Variants in TAPT1 observed in about 807,000 individuals in gnomAD.
TAPT1 encodes transmembrane anterior posterior transformation 1, also known as transmembrane anterior posterior transformation protein 1 homolog.
A neutral mutation model predicts 65.6 loss-of-function variants in TAPT1; 28 were observed. That is an observed-to-expected ratio of 0.43 (90% CI 0.32 to 0.59). The LOEUF (loss-of-function observed/expected upper bound fraction) is 0.59. Ranked by LOEUF, TAPT1 falls within the 20% of genes least tolerant of loss-of-function variation. The probability of loss-of-function intolerance (pLI) is 0.09; values close to 1 mark genes in which losing one functional copy is unlikely to be tolerated. For missense variants in TAPT1, 563 were observed against 679.9 expected (o/e 0.83, Z 1.91); for synonymous variants, 278 against 245.2 (o/e 1.13, Z -1.25).
intron 7 of TAPT1, chr4:16,182,804 A>G (rs1206695656): frequency 6.6e-6 from 1 of 152,218 alleles, no homozygotes; most frequent in Non-Finnish European, 1.5e-5. Context: ...TAATTTGTTA[A>G]AAATCTGGTT....
Position 16,163,271 on chromosome 4 carries a change from C to A in TAPT1, c.*37G>T. 1 of 1,519,150 alleles carries A rather than the reference C, an allele frequency of 6.6e-7. No individual in the cohort carries two copies. The highest frequency in any genetic ancestry group is 1.1e-5 in the South Asian group (1 of 88,960). The allele number at this position is 1,519,150 out of a possible 1,614,324, so 94.1% of individuals were successfully genotyped here. A position where few individuals can be genotyped will look rare whatever the true frequency, so the allele number is the denominator to read the frequency against. On this transcript the variant is annotated 3_prime_UTR_variant, in exon 14 of 14. Transcript: ENST00000405303. ...TCCTGGCAACACAGCACTTGTTGCC[C>A]CAGGACCCAGCTTCTTCAGCGCATG...
At chr4:16,174,165 C>T (rs1748178661) in intron 11 of TAPT1, 39 bp downstream of exon 11, 1 of 1,399,940 alleles carries the variant, frequency 7.1e-7, no homozygotes, top group Non-Finnish European at 9.9e-7. Context: ...ATAATGATGG[C>T]TACTTTGTTA....
chr4:16,219,678 A>G (rs35806798), intron 1 of TAPT1, among the ~76,000 whole-genome samples: 46,388 of 152,120 alleles, frequency 0.3, 8,077 homozygotes, highest in Middle Eastern at 0.43. Context: ...TTTATAGTAT[A>G]AGGCAGTTTA....
At chr4:16,190,929 C>T (rs1749337942) in intron 4 of TAPT1, 1 of 157,516 alleles carries the variant, frequency 6.3e-6, no homozygotes, top group African/African-American at 2.4e-5. Context: ...CAAACATATA[C>T]ATAATCATAA....
At chr4:16,202,779 A>G (rs1750116470) in intron 2 of TAPT1, among the ~76,000 whole-genome samples, 199 bp from the exon 3 acceptor site, 1 of 152,190 alleles carries the variant, frequency 6.6e-6, no homozygotes, top group South Asian at 2.1e-4. Flanking sequence ...ACGACTCACA[A>G]AAGAAATTAC....
In TAPT1 at chr4:16,169,572, T is replaced by C. The variant is rs565813481; in HGVS notation, c.1313+1081A>G. 3.5e-4 allele frequency among the ~76,000 whole-genome samples: 54 copies of C among 152,350 alleles called. 2 individuals are homozygous for C. The South Asian group carries it at 9.7e-3, about 27-fold the overall frequency. ...CATTCAAACAAACAACAGGCAATGC[T>C]GTACAGTGTGATCAGAACCTCCTCC... On this transcript the variant is annotated intron_variant, in intron 12 of 13. Transcript: ENST00000405303.
chr4:16,210,156 G>A (rs569539880), intron 2 of TAPT1, among the ~76,000 whole-genome samples: 1 of 152,278 alleles, frequency 6.6e-6, no homozygotes, highest in African/African-American at 2.4e-5. Flanking sequence ...CCCCCAGACA[G>A]CCTAGGTAAA....
In TAPT1 at chr4:16,160,980, T is replaced by C. The variant is rs940422980; in HGVS notation, c.*2328A>G. On this transcript the variant is annotated 3_prime_UTR_variant, in exon 14 of 14. Coordinates refer to ENST00000405303, the MANE Select transcript of TAPT1 (RefSeq NM_153365.3). ...GGGTCTGGCCTATCCTGTGCCTTCA[T>C]TAGATTTTTTTAAAACCAAAGCACT... 1 of 152,658 alleles carries C rather than the reference T, an allele frequency of 6.6e-6. No individual in the cohort carries two copies. 9.5% of individuals were successfully genotyped at this position (152,658 alleles called of 1,614,324 possible).
intron 1 of TAPT1, among the ~76,000 whole-genome samples, chr4:16,222,667 T>G (rs1751319821): frequency 1.3e-5 from 2 of 152,234 alleles, no homozygotes; most frequent in Admixed American, 1.3e-4. Context: ...AAAACCTTCG[T>G]CCCACTCGAA....
At chr4:16,166,593 GA>G in intron 13 of TAPT1, 39 bp downstream of exon 13, 1 of 1,601,334 alleles carries the variant, frequency 6.2e-7, no homozygotes, top group Non-Finnish European at 8.6e-7. Context: ...TTAACTCTTT[GA>G]AAATGATCCA....
intron 4 of TAPT1, chr4:16,190,119 C>T (rs1440864846): frequency 6.6e-6 from 1 of 152,086 alleles, no homozygotes; most frequent in Non-Finnish European, 1.5e-5. Flanking sequence ...ACATCTTGGT[C>T]TTGAATTTAG....
chr4:16,186,455 G>A, intron 7 of TAPT1, 80 bp downstream of exon 7: 4 of 892,586 alleles, frequency 4.5e-6, no homozygotes, highest in Non-Finnish European at 5.3e-6. Flanking sequence ...GTGGCCCAGA[G>A]AAAATGTGCC....
At chr4:16,178,092 G>A (rs1748457491) in intron 8 of TAPT1, among the ~76,000 whole-genome samples, 2 of 152,194 alleles carry the variant, frequency 1.3e-5, no homozygotes, top group African/African-American at 4.8e-5. Context: ...GTACTCTACC[G>A]GAACCAGTGA....
intron 1 of TAPT1, among the ~76,000 whole-genome samples, chr4:16,222,021 T>C (rs973550774): frequency 6.6e-6 from 1 of 152,230 alleles, no homozygotes; most frequent in African/African-American, 2.4e-5. Flanking sequence ...TATTTACACA[T>C]GTATAGATGG....
At chr4:16,196,688 T>G (rs1463800882) in intron 3 of TAPT1, 8 of 1,288,902 alleles carry the variant, frequency 6.2e-6, no homozygotes, top group African/African-American at 1.5e-5. Flanking sequence ...CCACATTCCA[T>G]TCTATAAAGG....
At chr4:16,189,857 G>A (rs572049726) in intron 4 of TAPT1, among the ~76,000 whole-genome samples, 3 of 152,244 alleles carry the variant, frequency 2.0e-5, no homozygotes, top group South Asian at 2.1e-4. Flanking sequence ...AGAAACCCTC[G>A]CACTTTCCAG....
intron 3 of TAPT1, among the ~76,000 whole-genome samples, chr4:16,198,807 C>G (rs1749867771): frequency 6.6e-6 from 1 of 152,050 alleles, no homozygotes; most frequent in Admixed American, 6.6e-5. Context: ...ATTTGGTAAA[C>G]CTAAAAAGTA....
At chr4:16,226,528 T>TCGCCCCGCCC (rs1186193240), upstream of TAPT1, 5 of 886,372 alleles carry the variant, frequency 5.6e-6, no homozygotes, top group Middle Eastern at 5.4e-4. Flanking sequence ...CCTCCCCGCC[T>TCGCCCCGCCC]CGCCCCGCCC....
At chr4:16,191,222 A>C in intron 4 of TAPT1, 139 bp downstream of exon 4, 1 of 823,032 alleles carries the variant, frequency 1.2e-6, no homozygotes, top group Non-Finnish European at 1.8e-6. Flanking sequence ...AGAGCCCCCA[A>C]GTGATGACAG....
Sources: gnomAD v4.1 joint callset for allele counts (sites outside exome capture counted in the v4.1 genomes callset) on GRCh38, gnomAD v4.1.1 for gene constraint, MANE v1.5 for transcripts, NCBI Gene and HGNC (gene_info 2026-07-23, HGNC 2026-07-21) for gene names.